CDH11: variants seen among roughly 807,000 people sequenced by gnomAD.
CDH11 encodes the protein cadherin-11.
CDH11 carries 11 observed loss-of-function variants against 67.8 expected under a neutral mutation model. That is an observed-to-expected ratio of 0.16 (90% confidence interval 0.10 to 0.27). The LOEUF (loss-of-function observed/expected upper bound fraction) is 0.27. CDH11 is among the 10% of genes least tolerant of loss of function. CDH11 has a pLI of 1.00. For synonymous variants in CDH11, 419 were observed against 400.0 expected (o/e 1.05, Z -0.57); for missense variants, 847 against 1,031.2 (o/e 0.82, Z 2.45).
At chr16:64,995,910 A>G (rs978099769) in intron 4 of CDH11, among the ~76,000 whole-genome samples, 1 of 152,202 alleles carries the variant, frequency 6.6e-6, no homozygotes, top group Non-Finnish European at 1.5e-5. Flanking sequence ...GTAAAAAAAC[A>G]ATGTGGGCAA....
chr16:65,053,192 A>T (rs770100517), intron 2 of CDH11, among the ~76,000 whole-genome samples: 2 of 152,194 alleles, frequency 1.3e-5, no homozygotes, highest in African/African-American at 4.8e-5. Context: ...CACCGAGCAG[A>T]TGGAGAAGGT....
chr16:65,104,931 G>A (rs1446000757), intron 1 of CDH11, among the ~76,000 whole-genome samples: 1 of 152,090 alleles, frequency 6.6e-6, no homozygotes, highest in Non-Finnish European at 1.5e-5. Flanking sequence ...TAAATATTTG[G>A]GGGAAATACA....
At position 65,060,497 on chromosome 16, in the gene CDH11, G is replaced by A. The variant is rs1197127402; in HGVS notation, c.-297-6569C>T. Among the ~76,000 whole-genome samples the A allele has an allele frequency of 2.0e-5, 3 of 152,120 alleles. No homozygotes were observed. The East Asian group carries it at 5.8e-4, about 29-fold the overall frequency. ...TTTACTTTTTAAACTTTTTTTTAGG[G>A]TGGAGGTGAGAAGCAGACAAAAATA... On this transcript the variant is annotated intron_variant, in intron 1 of 12. Transcript: ENST00000268603.
intron 1 of CDH11, among the ~76,000 whole-genome samples, chr16:65,079,476 T>C (rs2074572489): frequency 6.6e-6 from 1 of 152,192 alleles, no homozygotes; most frequent in Non-Finnish European, 1.5e-5. Context: ...TACACTATTG[T>C]GTATGCATGT....
At chr16:65,077,227 T>G (rs1486314730) in intron 1 of CDH11, among the ~76,000 whole-genome samples, 1 of 152,126 alleles carries the variant, frequency 6.6e-6, no homozygotes, top group Non-Finnish European at 1.5e-5. Context: ...CACCAGAAAA[T>G]CACTTGATCT....
In CDH11 at chr16:64,982,202, T is replaced by C; in HGVS notation, c.1099A>G (p.Thr367Ala). 1 of 1,614,112 alleles carries C rather than the reference T, an allele frequency of 6.2e-7. No homozygotes were observed. Among genetic ancestry groups the C allele is most frequent in the Non-Finnish European group, 8.5e-7 (1 of 1,179,966 alleles). Residue 367 changes from threonine to alanine, a missense_variant, in exon 8 of 13, where the codon ACT becomes GCT. Physicochemically the swap from Thr to Ala is moderately conservative, Grantham distance 58. Around this residue, in one of 2 missense-constraint regions of CDH11, gnomAD observed 612 missense variants for 678.7 expected, o/e 0.90. Transcript: ENST00000268603. ...TCTACTGAGATCTTGACGGTCACAG[T>C]GTCCTTGAAAGGGCCATTGCTGATA... ...KFISNGPFKD[T>A]VTVKISVEDA...
intron 2 of CDH11, among the ~76,000 whole-genome samples, chr16:65,013,754 G>A (rs11862490): frequency 6.6e-6 from 1 of 151,946 alleles, no homozygotes; most frequent in Admixed American, 6.6e-5. Flanking sequence ...TTGAACCCAG[G>A]AGGTGGAGGT....
At chr16:65,045,709 G>A (rs1005787659) in intron 2 of CDH11, among the ~76,000 whole-genome samples, 15 of 152,066 alleles carry the variant, frequency 9.9e-5, no homozygotes, top group South Asian at 2.1e-4. Flanking sequence ...GAGTACAGGC[G>A]GAGTCAGTAA....
In CDH11 at chr16:64,971,716, C is replaced by T; in HGVS notation, c.1525-20G>A. ...AATTGGCTGAAAGAGAAAGGTGGCC[C>T]ATAAATAAATCATGCTGACATTGGC... On this transcript the variant is annotated intron_variant, in intron 10 of 12. Coordinates refer to ENST00000268603, the MANE Select transcript of CDH11 (RefSeq NM_001797.4). 1 of 1,554,082 alleles carries T rather than the reference C, an allele frequency of 6.4e-7. No individual in the cohort carries two copies. The highest frequency in any genetic ancestry group is 1.7e-5 in the Admixed American group (1 of 59,372).
chr16:65,015,253 C>G (rs543664448), intron 2 of CDH11, among the ~76,000 whole-genome samples: 1 of 151,724 alleles, frequency 6.6e-6, no homozygotes, highest in Non-Finnish European at 1.5e-5. Context: ...AATGTTCTTG[C>G]AAGAGTAAGT....
intron 10 of CDH11, 36 bp from the exon 11 acceptor site, chr16:64,971,732 T>A (rs1224132713): frequency 6.8e-7 from 1 of 1,476,568 alleles, no homozygotes; most frequent in African/African-American, 1.4e-5. Context: ...TAAATCATGC[T>A]GACATTGGCA....
intron 6 of CDH11, among the ~76,000 whole-genome samples, chr16:64,989,300 G>A (rs373040865): frequency 6.6e-6 from 1 of 152,014 alleles, no homozygotes. Context: ...GAGTGTGAGT[G>A]TGTGTATGAA....
intron 1 of CDH11, among the ~76,000 whole-genome samples, chr16:65,102,574 C>G (rs545551989): frequency 6.6e-6 from 1 of 152,340 alleles, no homozygotes; most frequent in Admixed American, 6.5e-5. Flanking sequence ...CAAACAGAAC[C>G]ATAAACACCC....
intron 8 of CDH11, among the ~76,000 whole-genome samples, chr16:64,978,010 A>G (rs1351236115): frequency 6.6e-6 from 1 of 152,146 alleles, no homozygotes; most frequent in Non-Finnish European, 1.5e-5. Flanking sequence ...GACAAATTCC[A>G]TTGTCCGTGT....
At position 65,099,150 on chromosome 16, in the gene CDH11, TG is replaced by T. The variant is rs2074947833; in HGVS notation, c.-298+22729del. 3.9e-5 allele frequency among the ~76,000 whole-genome samples: 6 copies of T among 152,114 alleles called. No individual in the cohort carries two copies. In the South Asian group the frequency reaches 1.2e-3, roughly 32 times the overall value. On this transcript the variant is annotated intron_variant, in intron 1 of 12. Transcript: ENST00000268603. The stretch of plus-strand genomic sequence containing the variant: ...TAAGTCTTCTGGAATCCATTGTTAC[TG>T]GGAACAGCACATAGACGGCTGTACG...
chr16:64,946,326 T>G lies in CDH11; in HGVS notation c.*1277A>C, dbSNP rs1476398746. 1 of 1,043,266 alleles carries G rather than the reference T, an allele frequency of 9.6e-7. No homozygotes were observed. The highest frequency in any genetic ancestry group is 1.7e-5 in the African/African-American group (1 of 59,880). The allele number at this position is 1,043,266 out of a possible 1,614,324, so 64.6% of individuals were successfully genotyped here. On this transcript the variant is annotated 3_prime_UTR_variant, in exon 13 of 13. Transcript: ENST00000268603. ...TTAGAGTCTGGGCAAATTTATATTT[T>G]TGACTCTAGTCCCCCAGTTCCCCAG...
intron 2 of CDH11, among the ~76,000 whole-genome samples, chr16:65,048,968 T>G (rs2074010690): frequency 6.6e-6 from 1 of 152,074 alleles, no homozygotes; most frequent in Non-Finnish European, 1.5e-5. Flanking sequence ...AATCAAATAC[T>G]GCATATCCTC....
chr16:64,953,153 G>C (rs1202466622), intron 11 of CDH11, among the ~76,000 whole-genome samples: 1 of 151,766 alleles, frequency 6.6e-6, no homozygotes, highest in Non-Finnish European at 1.5e-5. Flanking sequence ...GTTGTTTTCT[G>C]TTTTTCTCCC....
chr16:65,100,935 A>G (rs1040833491), intron 1 of CDH11, among the ~76,000 whole-genome samples: 1 of 152,126 alleles, frequency 6.6e-6, no homozygotes, highest in Non-Finnish European at 1.5e-5. Flanking sequence ...AACACCTCTT[A>G]TCAAGGGAGC....
Sources: gnomAD v4.1 joint callset for allele counts (sites outside exome capture counted in the v4.1 genomes callset) on GRCh38, gnomAD v4.1.1 for gene constraint, gnomAD v4.1.1 regional missense constraint, MANE v1.5 for transcripts, NCBI Gene and HGNC (gene_info 2026-07-23, HGNC 2026-07-21) for gene names.